The following KCNMB3 variants were observed in gnomAD, a reference collection of about 807,000 sequenced individuals.
KCNMB3 encodes the protein calcium-activated potassium channel subunit beta-3.
Under a neutral mutation model 11.9 loss-of-function variants are expected in KCNMB3, and 18 were observed. The ratio of observed to expected loss-of-function variants is 1.51; its 90% CI spans 1.04 to 2.23. The LOEUF (loss-of-function observed/expected upper bound fraction) is 2.23, where lower values mean the gene tolerates loss of function less well. Ranked by LOEUF, KCNMB3 falls within the 30% of genes most tolerant of loss-of-function variation. KCNMB3 has a pLI of 0.00. For synonymous variants in KCNMB3, 78 were observed against 119.2 expected (o/e 0.65, Z 2.25); for missense variants, 247 against 329.4 (o/e 0.75, Z 1.94).
At chr3:179,256,027 T>G (rs138173154), upstream of KCNMB3, among the ~76,000 whole-genome samples, 1 of 152,214 alleles carries the variant, frequency 6.6e-6, no homozygotes, top group East Asian at 1.9e-4. Flanking sequence ...TGATAGACCC[T>G]CACTGAAGGA....
At chr3:179,264,320 C>G (rs1278661109) in intron 1 of KCNMB3, among the ~76,000 whole-genome samples, 1 of 152,084 alleles carries the variant, frequency 6.6e-6, no homozygotes, top group Non-Finnish European at 1.5e-5. Context: ...CCAGTTTTCT[C>G]AGACCATAAA....
rs746378991 is a variant in KCNMB3, at chr3:179,245,507, A to AT, written c.249-815dup. 2.1e-3 allele frequency among the ~76,000 whole-genome samples: 309 copies of AT among 148,292 alleles called. 2 individuals carry two copies. Among genetic ancestry groups the AT allele is most frequent in the Middle Eastern group, 3.5e-3 (1 of 288 alleles). On this transcript the variant is annotated intron_variant, in intron 1 of 2. Coordinates refer to ENST00000392685, the MANE Select transcript of KCNMB3 (RefSeq NM_171830.2). ...GTTTAATAAGTGCTGTACTGAATTA[A>AT]TTTTTTTGGGGGGGGGGATGGAGTT...
rs61734056 is a variant in KCNMB3, at chr3:179,250,755, G to T, written c.236C>A (p.Pro79His). Residue 79 changes from proline (P) to histidine (H), a missense_variant, in exon 1 of 3, where the codon CCT becomes CAT. Coordinates refer to ENST00000392685, the MANE Select transcript of KCNMB3 (RefSeq NM_171830.2). ...CTCTGTTTCTTACCTGAGCATAAAA[G>T]GCTTTAGAATGGTTGTTCCGAGCAA... The part of the protein sequence containing the change: ...FFLLGTTILK[P>H]FMLSIQREES... 568 of 1,614,174 alleles carry T rather than the reference G, an allele frequency of 3.5e-4. 1 individual carries two copies. In the African/African-American group the frequency reaches 6.9e-3, roughly 20 times the overall value.
downstream of KCNMB3, chr3:179,241,762 C>T: frequency 6.5e-6 from 1 of 153,910 alleles, no homozygotes. Context: ...TGTTGACTAT[C>T]CATGTGGGAC....
At chr3:179,244,227 G>C (rs367934877) in intron 2 of KCNMB3, among the ~76,000 whole-genome samples, 37 of 152,204 alleles carry the variant, frequency 2.4e-4, no homozygotes, top group African/African-American at 8.2e-4. Context: ...CCAAAAGAAA[G>C]ACTCCCCACA....
chr3:179,262,495 G>C (rs142417230), intron 1 of KCNMB3, among the ~76,000 whole-genome samples: 1 of 152,204 alleles, frequency 6.6e-6, no homozygotes, highest in South Asian at 2.1e-4. Context: ...CCCAAAGAAC[G>C]AGCAGTACCA....
downstream of KCNMB3, chr3:179,240,146 A>G (rs1576952306): frequency 3.4e-6 from 3 of 894,896 alleles, no homozygotes; most frequent in Non-Finnish European, 5.0e-6. Flanking sequence ...AAACTGTGAT[A>G]ATTCTCTTTT....
intron 1 of KCNMB3, among the ~76,000 whole-genome samples, chr3:179,249,007 C>CTTTTTT (rs1169837939): frequency 7.8e-5 from 7 of 89,860 alleles, no homozygotes; most frequent in African/African-American, 9.5e-5. Context: ...GACCCCGTCT[C>CTTTTTT]TTTTTTTTTT....
At chr3:179,256,296 C>A (rs371320900), upstream of KCNMB3, among the ~76,000 whole-genome samples, 1 of 152,010 alleles carries the variant, frequency 6.6e-6, no homozygotes, top group Non-Finnish European at 1.5e-5. Context: ...ATTAGCTGGA[C>A]GTGGTGGCAC....
chr3:179,242,691 GAAAGAGATTGGGATTAGA>G (rs1725493692), downstream of KCNMB3: 1 of 828,492 alleles, frequency 1.2e-6, no homozygotes, highest in Non-Finnish European at 1.6e-6. Flanking sequence ...AGCTCATTTG[GAAAGAGATTGGGATTAGA>G]AAAGATGGTG....
At chr3:179,250,637 CAG>C in intron 1 of KCNMB3, 104 bp downstream of exon 1, 1 of 1,120,104 alleles carries the variant, frequency 8.9e-7, no homozygotes, top group Non-Finnish European at 1.3e-6. Context: ...TAGACCATGG[CAG>C]AGAGTCACAG....
At chr3:179,240,324 G>T, downstream of KCNMB3, 2 of 374,922 alleles carry the variant, frequency 5.3e-6, no homozygotes, top group South Asian at 1.0e-4. Context: ...AGGAATGTAT[G>T]TTTAAATATT....
At chr3:179,255,101 G>A (rs1411221275), upstream of KCNMB3, among the ~76,000 whole-genome samples, 1 of 152,020 alleles carries the variant, frequency 6.6e-6, no homozygotes, top group Non-Finnish European at 1.5e-5. Flanking sequence ...GAAGGTGGAT[G>A]TTGCAGTGAG....
Position 179,250,970 on chromosome 3 carries a change from C to T in KCNMB3, c.21G>A (p.Glu7=). Residue 7 remains glutamate, a synonymous_variant, in exon 1 of 3, where the codon GAG becomes GAA. Coordinates refer to ENST00000392685, the MANE Select transcript of KCNMB3 (RefSeq NM_171830.2). ...AGGGAGAAGGAGATACTGCAGTGAG[C>T]TCATAAAGAAGGGGGAACATTTCCA... MFPLLY[E]LTAVSPSPFP... The T allele has an allele frequency of 6.2e-7, 1 of 1,614,124 alleles. No homozygotes were observed. Among genetic ancestry groups the T allele is most frequent in the Non-Finnish European group, 8.5e-7 (1 of 1,180,028 alleles).
At chr3:179,245,289 A>C (rs9829903) in intron 1 of KCNMB3, among the ~76,000 whole-genome samples, 39,534 of 152,050 alleles carry the variant, frequency 0.26, 6,136 homozygotes, top group African/African-American at 0.43. Flanking sequence ...AGCCTACACA[A>C]TTTCTGGCAA....
rs1725809693 is a variant in KCNMB3 at position 179,250,777 on chromosome 3, G to T, written c.214C>A (p.Leu72Ile). Residue 72 changes from leucine (L) to isoleucine (I), a missense_variant, in exon 1 of 3, where the codon CTC becomes ATC. By Grantham distance (5) the Leu-to-Ile change is conservative. Transcript: ENST00000392685. ...MGFSVLMFFLLGTTILKPFML... is the reference protein window; with the variant it reads ...MGFSVLMFFLIGTTILKPFML... ...AAAGGCTTTAGAATGGTTGTTCCGA[G>T]CAAGAAGAACATTAGGACTGAGAAG... 6.2e-7 allele frequency: 1 copy of T among 1,614,158 alleles called. No homozygotes were observed. Among genetic ancestry groups the T allele is most frequent in the African/African-American group, 1.3e-5 (1 of 75,024 alleles).
chr3:179,244,393 G>C, intron 2 of KCNMB3, 102 bp downstream of exon 2: 1 of 886,606 alleles, frequency 1.1e-6, no homozygotes, highest in East Asian at 2.4e-5. Context: ...CAAAAAAATA[G>C]ATTTATCCCT....
intron 1 of KCNMB3, chr3:179,259,768 C>T: frequency 6.2e-7 from 1 of 1,601,452 alleles, no homozygotes; most frequent in Middle Eastern, 1.7e-4. Flanking sequence ...AATGCCTCTC[C>T]CTGTTGGTCA....
intron 1 of KCNMB3, chr3:179,260,322 T>C: frequency 6.2e-7 from 1 of 1,614,048 alleles, no homozygotes; most frequent in Non-Finnish European, 8.5e-7. Flanking sequence ...CTCAAGAATT[T>C]GGCTTTGAAC....
Sources: allele counts gnomAD v4.1 joint callset (sites outside exome capture counted in the v4.1 genomes callset), GRCh38; gene constraint gnomAD v4.1.1; transcripts MANE v1.5; gene names NCBI Gene and HGNC (gene_info 2026-07-23, HGNC 2026-07-21).